RAB6B: variants seen among roughly 807,000 people sequenced by gnomAD.
The protein encoded by RAB6B is RAB6B, member RAS oncogene family.
RAB6B carries 7 observed loss-of-function variants against 31.2 expected under a neutral mutation model. The observed-to-expected ratio is 0.22, with a 90% CI of 0.13 to 0.42. The LOEUF is 0.42. RAB6B is among the 10% of genes least tolerant of loss of function. RAB6B has a pLI of 1.00. For synonymous variants in RAB6B, 105 were observed against 104.9 expected (o/e 1.00, Z -0.01); for missense variants, 149 against 280.6 (o/e 0.53, Z 3.35).
intron 1 of RAB6B, among the ~76,000 whole-genome samples, chr3:133,880,277 G>A (rs1936448165): frequency 6.6e-6 from 1 of 152,234 alleles, no homozygotes; most frequent in African/African-American, 2.4e-5. Flanking sequence ...TGCTAGTAGT[G>A]TTGATGTTAA....
chr3:133,867,712 A>G (rs1936257393), intron 1 of RAB6B, among the ~76,000 whole-genome samples: 1 of 152,198 alleles, frequency 6.6e-6, no homozygotes, highest in Admixed American at 6.5e-5. Flanking sequence ...GAAAGGTCAG[A>G]AACTGGTCAC....
At chr3:133,875,140 T>C (rs1378899682) in intron 1 of RAB6B, among the ~76,000 whole-genome samples, 1 of 152,236 alleles carries the variant, frequency 6.6e-6, no homozygotes, top group Non-Finnish European at 1.5e-5. Flanking sequence ...CATTATAATC[T>C]TATGGGACAA....
At chr3:133,839,436 G>C (rs1935787949) in intron 5 of RAB6B, 70 bp downstream of exon 5, 1 of 1,343,852 alleles carries the variant, frequency 7.4e-7, no homozygotes, top group African/African-American at 1.4e-5. Context: ...GCATCCCAGA[G>C]CTCCCTGTCC....
chr3:133,882,032 G>A (rs986830492), intron 1 of RAB6B, among the ~76,000 whole-genome samples: 2 of 152,212 alleles, frequency 1.3e-5, no homozygotes, highest in African/African-American at 2.4e-5. Flanking sequence ...TAATCAAGGT[G>A]TCAGCTGGGC....
chr3:133,867,407 T>G (rs540299238), intron 1 of RAB6B, among the ~76,000 whole-genome samples: 8 of 152,204 alleles, frequency 5.3e-5, no homozygotes, highest in Non-Finnish European at 1.0e-4. Context: ...GCAGCAACAC[T>G]GGGTACCATA....
intron 1 of RAB6B, among the ~76,000 whole-genome samples, chr3:133,875,222 T>C (rs998942646): frequency 2.0e-5 from 3 of 152,202 alleles, no homozygotes; most frequent in Non-Finnish European, 2.9e-5. Flanking sequence ...CATTGTGAAA[T>C]GATTACCACA....
At chr3:133,831,275 T>C (rs1046900152) in intron 7 of RAB6B, among the ~76,000 whole-genome samples, 2 of 152,182 alleles carry the variant, frequency 1.3e-5, no homozygotes, top group Non-Finnish European at 2.9e-5. Context: ...AGAGTCCCAA[T>C]GCACAGACAT....
Position 133,827,761 on chromosome 3 carries a change from C to G in RAB6B, c.*1027G>C, listed in dbSNP as rs1187913329. On this transcript the variant is annotated 3_prime_UTR_variant, in exon 8 of 8. Transcript: ENST00000285208. ...TGCAGACAACACCCCCCCCCCCCCC[C>G]GCCTCCCCATCACAGAGGATCAACT... is the stretch of plus-strand genomic sequence containing the variant. 4 of 96,706 alleles carry G rather than the reference C, an allele frequency of 4.1e-5. No homozygotes were observed. Among genetic ancestry groups the G allele is most frequent in the East Asian group, 3.2e-4 (1 of 3,154 alleles). The allele number at this position is 96,706 out of a possible 1,614,324, so 6.0% of individuals were successfully genotyped here.
At chr3:133,841,177 T>C (rs1935824262) in intron 4 of RAB6B, 108 bp downstream of exon 4, 1 of 742,348 alleles carries the variant, frequency 1.3e-6, no homozygotes, top group Non-Finnish European at 2.1e-6. Flanking sequence ...CACATGCGTG[T>C]GCACACACAT....
intron 2 of RAB6B, among the ~76,000 whole-genome samples, chr3:133,851,042 C>T (rs990570645): frequency 4.1e-5 from 6 of 144,818 alleles, no homozygotes; most frequent in African/African-American, 1.5e-4. Context: ...ACCGTGGAAA[C>T]AGAATTCTAA....
intron 1 of RAB6B, among the ~76,000 whole-genome samples, chr3:133,871,551 G>T (rs182405235): frequency 6.6e-6 from 1 of 152,348 alleles, no homozygotes. Flanking sequence ...TTCTGGTCTT[G>T]TCTTGTGCCC....
At chr3:133,857,507 C>T (rs1290521057) in intron 2 of RAB6B, among the ~76,000 whole-genome samples, 2 of 151,898 alleles carry the variant, frequency 1.3e-5, no homozygotes, top group Non-Finnish European at 2.9e-5. Flanking sequence ...ACTCTGACCA[C>T]CTCTACCAGG....
rs376552869 is a variant in RAB6B, at chr3:133,889,391, TA to T, written c.70+6005del. ...AAAGGACAATAAGGTTATTTTGTTA[TA>T]TATATATATATATATATATATATAT... On this transcript the variant is annotated intron_variant, in intron 1 of 7. Transcript: ENST00000285208. Among the ~76,000 whole-genome samples the T allele has an allele frequency of 7.9e-3, 269 of 33,994 alleles. 19 individuals are homozygous for T. Among genetic ancestry groups the T allele is most frequent in the South Asian group, 0.012 (11 of 890 alleles). The allele number at this position is 33,994 out of a possible 152,430, so 22.3% of individuals were successfully genotyped here.
chr3:133,847,132 C>T (rs1485844012), intron 2 of RAB6B, among the ~76,000 whole-genome samples: 1 of 152,222 alleles, frequency 6.6e-6, no homozygotes, highest in African/African-American at 2.4e-5. Flanking sequence ...TTATCATTTC[C>T]CAGCTCTTGT....
At chr3:133,847,823 T>C (rs1051415227) in intron 2 of RAB6B, among the ~76,000 whole-genome samples, 1 of 152,222 alleles carries the variant, frequency 6.6e-6, no homozygotes, top group African/African-American at 2.4e-5. Context: ...TGGCATTTGT[T>C]TCTTCTTTGC....
intron 4 of RAB6B, among the ~76,000 whole-genome samples, chr3:133,840,971 C>T (rs1935816890): frequency 6.6e-6 from 1 of 152,114 alleles, no homozygotes; most frequent in South Asian, 2.1e-4. Flanking sequence ...AGGGAGGGTG[C>T]AGAGAGGCTG....
At chr3:133,855,165 T>C (rs996939397) in intron 2 of RAB6B, among the ~76,000 whole-genome samples, 1 of 152,246 alleles carries the variant, frequency 6.6e-6, no homozygotes, top group Non-Finnish European at 1.5e-5. Context: ...GTCATGTAAA[T>C]TAGCTTGCAA....
rs1181157104 is a variant in RAB6B at position 133,827,054 on chromosome 3, C to T, written c.*1734G>A. The T allele has an allele frequency of 6.6e-6, 1 of 152,652 alleles. No individual in the cohort carries two copies. The highest frequency in any genetic ancestry group is 1.5e-5 in the Non-Finnish European group (1 of 68,044). 9.5% of individuals were successfully genotyped at this position (152,652 alleles called of 1,614,324 possible). A position where few individuals can be genotyped will look rare whatever the true frequency, so the allele number is the denominator to read the frequency against. ...GGGATCCTGCTTCCTCTCTTCTTCACCTGAAGATAAATTCCTTGCTAGAGA... is the reference window on the plus strand; with the variant it reads ...GGGATCCTGCTTCCTCTCTTCTTCATCTGAAGATAAATTCCTTGCTAGAGA... On this transcript the variant is annotated 3_prime_UTR_variant, in exon 8 of 8. Transcript: ENST00000285208.
At chr3:133,876,179 C>T (rs2108010133) in intron 1 of RAB6B, among the ~76,000 whole-genome samples, 1 of 152,296 alleles carries the variant, frequency 6.6e-6, no homozygotes, top group African/African-American at 2.4e-5. Flanking sequence ...AACAGATGTT[C>T]ACGTAAGACT....
Sources: allele counts gnomAD v4.1 joint callset (sites outside exome capture counted in the v4.1 genomes callset), GRCh38; gene constraint gnomAD v4.1.1; transcripts MANE v1.5; gene names NCBI Gene and HGNC (gene_info 2026-07-23, HGNC 2026-07-21).